Variants in PRKG1 observed in about 807,000 individuals in gnomAD.
PRKG1 encodes protein kinase cGMP-dependent 1.
In PRKG1, 35 loss-of-function variants were observed where a neutral mutation model predicts 88.1. That is an observed-to-expected ratio of 0.40 (90% CI 0.30 to 0.53). The LOEUF (loss-of-function observed/expected upper bound fraction) is 0.53. Ranked by LOEUF, PRKG1 falls within the 20% of genes least tolerant of loss-of-function variation. The pLI, the probability that PRKG1 is intolerant of heterozygous loss-of-function variation, is 0.59. For missense variants in PRKG1, 540 were observed against 839.8 expected (o/e 0.64, Z 4.41); for synonymous variants, 303 against 292.5 (o/e 1.04, Z -0.37).
chr10:52,233,778 G>A (rs1429723159), intron 9 of PRKG1, among the ~76,000 whole-genome samples: 3 of 151,724 alleles, frequency 2.0e-5, no homozygotes, highest in Non-Finnish European at 4.4e-5. Flanking sequence ...GGTAAACAAA[G>A]CAGCCGGGAA....
chr10:51,570,617 T>A (rs1837727706), intron 3 of PRKG1, among the ~76,000 whole-genome samples: 1 of 151,882 alleles, frequency 6.6e-6, no homozygotes, highest in Admixed American at 6.6e-5. Flanking sequence ...TTCTAATTGC[T>A]GATGGAAATT....
intron 8 of PRKG1, among the ~76,000 whole-genome samples, chr10:52,135,922 C>T (rs1837402253): frequency 6.6e-6 from 1 of 151,954 alleles, no homozygotes; most frequent in African/African-American, 2.4e-5. Flanking sequence ...TTGGGGAAAT[C>T]CTTTCATTTA....
At chr10:51,636,470 GAT>G (rs1339604111) in intron 3 of PRKG1, among the ~76,000 whole-genome samples, 4 of 152,168 alleles carry the variant, frequency 2.6e-5, no homozygotes, top group African/African-American at 9.7e-5. Flanking sequence ...TAAGCTGACC[GAT>G]ATTAAACATC....
chr10:51,888,376 T>A (rs1229049859), intron 4 of PRKG1, among the ~76,000 whole-genome samples: 1 of 152,232 alleles, frequency 6.6e-6, no homozygotes, highest in Non-Finnish European at 1.5e-5. Context: ...AATTCTACTT[T>A]GAAAAAGTAC....
At chr10:52,162,629 A>C (rs1045004708) in intron 9 of PRKG1, among the ~76,000 whole-genome samples, 1 of 152,140 alleles carries the variant, frequency 6.6e-6, no homozygotes, top group South Asian at 2.1e-4. Flanking sequence ...TAAATTGACA[A>C]CAGTTAGCAT....
chr10:51,072,025 G>A (rs549561151), upstream of PRKG1, among the ~76,000 whole-genome samples: 50 of 152,152 alleles, frequency 3.3e-4, 1 homozygote, highest in South Asian at 6.5e-3. Flanking sequence ...GGTGAACCCC[G>A]TCTCTACTAA....
At chr10:51,468,872 T>G (rs1839975619) in intron 3 of PRKG1, among the ~76,000 whole-genome samples, 1 of 151,870 alleles carries the variant, frequency 6.6e-6, no homozygotes, top group Non-Finnish European at 1.5e-5. Flanking sequence ...AACATAAGAA[T>G]GCACGGCCAA....
At chr10:52,086,711 T>G (rs1159159318) in intron 7 of PRKG1, among the ~76,000 whole-genome samples, 2 of 152,166 alleles carry the variant, frequency 1.3e-5, no homozygotes, top group African/African-American at 4.8e-5. Context: ...TTATGTACCC[T>G]AATTCCCTCA....
chr10:52,052,090 A>T (rs1028324841), intron 5 of PRKG1, among the ~76,000 whole-genome samples: 1 of 152,198 alleles, frequency 6.6e-6, no homozygotes, highest in African/African-American at 2.4e-5. Context: ...AAATTAAATA[A>T]ATTTAAAAAT....
chr10:51,308,662 G>C (rs1841100310), intron 2 of PRKG1, among the ~76,000 whole-genome samples: 1 of 152,152 alleles, frequency 6.6e-6, no homozygotes, highest in Non-Finnish European at 1.5e-5. Context: ...TTTATCAGAA[G>C]TGATTTAATA....
At chr10:51,254,171 C>A (rs1839496981) in intron 2 of PRKG1, among the ~76,000 whole-genome samples, 2 of 151,882 alleles carry the variant, frequency 1.3e-5, no homozygotes, top group African/African-American at 2.4e-5. Flanking sequence ...ATAGTTGAAG[C>A]ATTGATTGAT....
At chr10:51,735,930 CTTTTTT>C (rs1180307253) in intron 3 of PRKG1, among the ~76,000 whole-genome samples, 5 of 74,966 alleles carry the variant, frequency 6.7e-5, no homozygotes, top group Non-Finnish European at 1.3e-4. Context: ...TTTAAGTTGT[CTTTTTT>C]TTTTTTTTTT....
chr10:51,754,334 ACTC>A (rs1288144255), intron 3 of PRKG1, among the ~76,000 whole-genome samples: 4 of 151,832 alleles, frequency 2.6e-5, no homozygotes, highest in African/African-American at 4.8e-5. Flanking sequence ...TGGCAATACA[ACTC>A]CTCTGTCATT....
At chr10:51,080,828 C>T (rs893063265) in intron 1 of PRKG1, among the ~76,000 whole-genome samples, 17 of 152,194 alleles carry the variant, frequency 1.1e-4, no homozygotes, top group Admixed American at 5.9e-4. Flanking sequence ...TCTTCTGTAA[C>T]GACTGTGTTC....
chr10:52,073,403 T>C (rs1219946652), intron 7 of PRKG1, among the ~76,000 whole-genome samples: 4 of 152,194 alleles, frequency 2.6e-5, no homozygotes, highest in Non-Finnish European at 5.9e-5. Flanking sequence ...CCTCAAAGGC[T>C]TGCTCTGGCA....
chr10:51,266,456 T>C (rs1227439796), intron 2 of PRKG1, among the ~76,000 whole-genome samples: 2 of 152,190 alleles, frequency 1.3e-5, no homozygotes, highest in Admixed American at 6.5e-5. Flanking sequence ...TTGTTATCTG[T>C]ATAAGTGTTA....
chr10:51,541,287 A>G (rs1263192499), intron 3 of PRKG1, among the ~76,000 whole-genome samples: 1 of 152,188 alleles, frequency 6.6e-6, no homozygotes, highest in Non-Finnish European at 1.5e-5. Context: ...GACAGGAGGC[A>G]GAGCTCAGGT....
chr10:52,172,154 C>T (rs1376892158), intron 9 of PRKG1, among the ~76,000 whole-genome samples: 1 of 152,178 alleles, frequency 6.6e-6, no homozygotes, highest in East Asian at 1.9e-4. Context: ...TGCTCTGCAG[C>T]GCTTATCTTT....
chr10:52,223,201 A>G (rs560639931), intron 9 of PRKG1, among the ~76,000 whole-genome samples: 135 of 152,268 alleles, frequency 8.9e-4, no homozygotes, highest in African/African-American at 3.0e-3. Flanking sequence ...AATTTCTTGA[A>G]ATACATATAA....
Sources: allele counts gnomAD v4.1 joint callset (sites outside exome capture counted in the v4.1 genomes callset), GRCh38; gene constraint gnomAD v4.1.1; transcripts MANE v1.5; gene names NCBI Gene and HGNC (gene_info 2026-07-23, HGNC 2026-07-21).